ENOX1: variants seen among roughly 807,000 people sequenced by gnomAD.
The protein encoded by ENOX1 is ecto-NOX disulfide-thiol exchanger 1, also known as candidate growth-related and time keeping constitutive hydroquinone (NADH) oxidase.
Under a neutral mutation model 82.5 loss-of-function variants are expected in ENOX1, and 42 were observed. The observed-to-expected ratio is 0.51, with a 90% CI of 0.40 to 0.66. The LOEUF (loss-of-function observed/expected upper bound fraction) is 0.66, where lower values mean the gene tolerates loss of function less well. ENOX1 is among the 30% of genes least tolerant of loss of function. ENOX1 has a pLI of 0.00. For missense variants in ENOX1, 608 were observed against 811.6 expected (o/e 0.75, Z 3.05); for synonymous variants, 271 against 282.2 (o/e 0.96, Z 0.40).
intron 5 of ENOX1, among the ~76,000 whole-genome samples, chr13:43,373,960 C>CA (rs796759906): frequency 6.6e-6 from 1 of 152,264 alleles, no homozygotes; most frequent in South Asian, 2.1e-4. Flanking sequence ...ATTAGAAACT[C>CA]AGAGAGTTAA....
chr13:43,446,220 T>A (rs1377917749), intron 3 of ENOX1, among the ~76,000 whole-genome samples: 1 of 152,070 alleles, frequency 6.6e-6, no homozygotes, highest in East Asian at 1.9e-4. Flanking sequence ...AACTGCCATA[T>A]AAAAATGGCC....
At chr13:43,443,518 T>C (rs1425017064) in intron 3 of ENOX1, among the ~76,000 whole-genome samples, 1 of 152,242 alleles carries the variant, frequency 6.6e-6, no homozygotes, top group Non-Finnish European at 1.5e-5. Flanking sequence ...GTACATCATC[T>C]ACTATGCTCT....
chr13:43,633,005 T>C (rs1168826569), intron 2 of ENOX1, among the ~76,000 whole-genome samples: 1 of 152,176 alleles, frequency 6.6e-6, no homozygotes, highest in Non-Finnish European at 1.5e-5. Context: ...TTTCTTTTCC[T>C]CAAAATTTTA....
chr13:43,278,016 G>T (rs1464775892), intron 12 of ENOX1, among the ~76,000 whole-genome samples: 1 of 152,044 alleles, frequency 6.6e-6, no homozygotes, highest in Non-Finnish European at 1.5e-5. Flanking sequence ...AGGTACAATT[G>T]TACAAAATGT....
chr13:43,661,504 A>G (rs2084727407), intron 2 of ENOX1, among the ~76,000 whole-genome samples: 1 of 152,224 alleles, frequency 6.6e-6, no homozygotes, highest in South Asian at 2.1e-4. Flanking sequence ...ACAAAGAGAC[A>G]TTGATGTTTT....
chr13:43,723,134 C>T (rs970959941), intron 1 of ENOX1, among the ~76,000 whole-genome samples: 3 of 152,184 alleles, frequency 2.0e-5, no homozygotes, highest in Non-Finnish European at 2.9e-5. Flanking sequence ...TCTTAGGCCC[C>T]GCCTTGGCAG....
intron 2 of ENOX1, among the ~76,000 whole-genome samples, chr13:43,615,529 A>G (rs1313901165): frequency 6.6e-6 from 1 of 152,178 alleles, no homozygotes; most frequent in Non-Finnish European, 1.5e-5. Flanking sequence ...ACATAATCTT[A>G]AAACTTCACA....
At chr13:43,378,544 C>T (rs1165150938) in intron 5 of ENOX1, among the ~76,000 whole-genome samples, 1 of 152,162 alleles carries the variant, frequency 6.6e-6, no homozygotes, top group Non-Finnish European at 1.5e-5. Flanking sequence ...AGTAGAAAAG[C>T]CTCATAATTC....
chr13:43,735,593 C>T (rs1594622487), intron 1 of ENOX1, among the ~76,000 whole-genome samples: 1 of 151,974 alleles, frequency 6.6e-6, no homozygotes, highest in South Asian at 2.1e-4. Flanking sequence ...TGGCAGCGTG[C>T]GCCTGTAGTC....
chr13:43,309,479 T>C (rs992452069), intron 11 of ENOX1, among the ~76,000 whole-genome samples: 11 of 152,204 alleles, frequency 7.2e-5, no homozygotes, highest in African/African-American at 2.7e-4. Context: ...AGCTTGGCAG[T>C]GCTTAGTAAG....
intron 2 of ENOX1, among the ~76,000 whole-genome samples, chr13:43,607,998 G>A (rs1186836477): frequency 6.6e-6 from 1 of 152,152 alleles, no homozygotes; most frequent in African/African-American, 2.4e-5. Context: ...AAACATCCAG[G>A]AACAGGCATG....
chr13:43,770,686 TACACACACACACACACACACACAC>T (rs149111203), intron 1 of ENOX1, among the ~76,000 whole-genome samples: 1 of 146,140 alleles, frequency 6.8e-6, no homozygotes, highest in Non-Finnish European at 1.5e-5. Flanking sequence ...TACGTATGTG[TACACACACACACACACACACACAC>T]ACACACACAC....
intron 12 of ENOX1, among the ~76,000 whole-genome samples, chr13:43,289,599 G>A (rs2045888352): frequency 6.6e-6 from 1 of 152,136 alleles, no homozygotes; most frequent in African/African-American, 2.4e-5. Context: ...AGATTTAAAT[G>A]CAAGACCTCA....
intron 2 of ENOX1, among the ~76,000 whole-genome samples, chr13:43,572,671 C>T (rs1218762221): frequency 6.6e-6 from 1 of 152,216 alleles, no homozygotes; most frequent in African/African-American, 2.4e-5. Context: ...TTTTCAGACA[C>T]ACAAGGTCTC....
chr13:43,686,786 T>C (rs1332689322), intron 1 of ENOX1, among the ~76,000 whole-genome samples: 1 of 152,182 alleles, frequency 6.6e-6, no homozygotes, highest in African/African-American at 2.4e-5. Context: ...TCTTCTCTCC[T>C]ATGACTCATC....
At chr13:43,308,623 C>T (rs574819148) in intron 11 of ENOX1, among the ~76,000 whole-genome samples, 1 of 152,226 alleles carries the variant, frequency 6.6e-6, no homozygotes, top group South Asian at 2.1e-4. Flanking sequence ...CAGCCATCAT[C>T]CTCACATTAC....
chr13:43,692,616 A>C (rs2086423014), intron 1 of ENOX1, among the ~76,000 whole-genome samples: 1 of 152,168 alleles, frequency 6.6e-6, no homozygotes, highest in Non-Finnish European at 1.5e-5. Flanking sequence ...AACCAACACA[A>C]AAAAGACAAA....
chr13:43,761,531 T>TA (rs1463220465), intron 1 of ENOX1, among the ~76,000 whole-genome samples: 1 of 152,234 alleles, frequency 6.6e-6, no homozygotes, highest in Non-Finnish European at 1.5e-5. Flanking sequence ...ATGTTACAAA[T>TA]ATCAACTCCC....
At chr13:43,275,635 T>C (rs941721477) in intron 12 of ENOX1, among the ~76,000 whole-genome samples, 3 of 152,132 alleles carry the variant, frequency 2.0e-5, no homozygotes, top group Admixed American at 6.6e-5. Flanking sequence ...TGTTTCAGGA[T>C]TTCCCCAGTG....
Sources: allele counts gnomAD v4.1 joint callset (sites outside exome capture counted in the v4.1 genomes callset), GRCh38; gene constraint gnomAD v4.1.1; transcripts MANE v1.5; gene names NCBI Gene and HGNC (gene_info 2026-07-23, HGNC 2026-07-21).